SRPK1: variants seen among roughly 807,000 people sequenced by gnomAD.
SRPK1 encodes the protein SFRS protein kinase 1.
SRPK1 carries 52 observed loss-of-function variants against 89.5 expected under a neutral mutation model. The observed-to-expected ratio is 0.58, with a 90% confidence interval of 0.46 to 0.73. The LOEUF is 0.73. SRPK1 is among the 30% of genes least tolerant of loss of function. The pLI is 0.00. For missense variants in SRPK1, 603 were observed against 780.6 expected (o/e 0.77, Z 2.71); for synonymous variants, 255 against 270.2 (o/e 0.94, Z 0.55).
chr6:35,885,823 C>T (rs1325154727), intron 6 of SRPK1, among the ~76,000 whole-genome samples: 1 of 152,156 alleles, frequency 6.6e-6, no homozygotes, highest in Non-Finnish European at 1.5e-5. Flanking sequence ...ACTTTGATAC[C>T]TGTGAAGAAA....
intron 14 of SRPK1, chr6:35,838,963 T>C (rs762239834): frequency 4.6e-5 from 29 of 633,502 alleles, no homozygotes; most frequent in Non-Finnish European, 6.2e-5. Flanking sequence ...AGGTGGTTGG[T>C]CACCCGATAG....
At chr6:35,913,969 CTTTTTTTTT>C (rs545555860) in intron 2 of SRPK1, among the ~76,000 whole-genome samples, 5 of 92,934 alleles carry the variant, frequency 5.4e-5, no homozygotes, top group African/African-American at 7.9e-5. Flanking sequence ...GATACTTTCT[CTTTTTTTTT>C]TTTTTTTTTT....
intron 2 of SRPK1, chr6:35,920,132 A>T (rs1291806175): frequency 2.0e-6 from 1 of 490,016 alleles, no homozygotes; most frequent in Non-Finnish European, 4.0e-6. Flanking sequence ...TCAGAAACAG[A>T]CCGATAATGA....
chr6:35,843,032 G>A (rs917741364), intron 13 of SRPK1, among the ~76,000 whole-genome samples: 6 of 150,544 alleles, frequency 4.0e-5, no homozygotes, highest in Non-Finnish European at 7.4e-5. Flanking sequence ...GCAGTGGCAC[G>A]GTCTCGGCTC....
At chr6:35,898,242 C>T (rs1203561074) in intron 2 of SRPK1, among the ~76,000 whole-genome samples, 2 of 152,050 alleles carry the variant, frequency 1.3e-5, no homozygotes, top group Non-Finnish European at 2.9e-5. Context: ...GAGCTGGAGG[C>T]CATTATTCTA....
At chr6:35,877,669 C>A (rs952176168) in intron 6 of SRPK1, among the ~76,000 whole-genome samples, 3 of 151,856 alleles carry the variant, frequency 2.0e-5, no homozygotes, top group African/African-American at 7.3e-5. Context: ...GGTGAAACTC[C>A]ATCTCTACTA....
chr6:35,885,493 C>T (rs552510596), intron 6 of SRPK1, among the ~76,000 whole-genome samples: 22 of 152,268 alleles, frequency 1.4e-4, no homozygotes, highest in African/African-American at 5.1e-4. Context: ...GTTCTCTCTC[C>T]TTTCCCATCC....
At chr6:35,842,179 A>G (rs1769324688) in intron 14 of SRPK1, among the ~76,000 whole-genome samples, 1 of 152,198 alleles carries the variant, frequency 6.6e-6, no homozygotes, top group Admixed American at 6.5e-5. Flanking sequence ...ACTGACCTCT[A>G]AATAAATTTG....
rs1224290836 is a variant in SRPK1 at position 35,869,657 on chromosome 6, G to A, written c.1236C>T (p.Asp412=). Residue 412 remains aspartate, a synonymous_variant, in exon 11 of 16, where the codon GAC becomes GAT. Coordinates refer to ENST00000373825, the MANE Select transcript of SRPK1 (RefSeq NM_003137.5). The stretch of plus-strand genomic sequence containing the variant: ...CCTCAGATGTTATAGGTGTACAAGA[G>A]TCTGTTTCTTGAGATGTGCTGCTGT... ...NGDSSTSQET[D]SCTPITSEVS... 1.2e-6 allele frequency: 2 copies of A among 1,613,906 alleles called. No individual in the cohort carries two copies. The highest frequency in any genetic ancestry group is 1.1e-5 in the South Asian group (1 of 91,086).
chr6:35,888,137 G>A (rs1770448066), intron 4 of SRPK1, 26 bp from the exon 5 acceptor site: 13 of 1,506,482 alleles, frequency 8.6e-6, no homozygotes, highest in African/African-American at 1.4e-5. Flanking sequence ...AGGCAATTAA[G>A]ACTACATAGC....
At chr6:35,851,470 A>T (rs894195595) in intron 13 of SRPK1, among the ~76,000 whole-genome samples, 8 of 152,164 alleles carry the variant, frequency 5.3e-5, no homozygotes, top group African/African-American at 1.9e-4. Context: ...TATTGTGCCC[A>T]GCCGGTATTG....
Position 35,837,215 on chromosome 6 carries a change from C to T in SRPK1, c.1783+1122G>A, listed in dbSNP as rs369108112. ...ACATAAAACTAAAAAGTGTGAAGTT[C>T]GTTTGTATGACTAATGTACTTCGAG... On this transcript the variant is annotated intron_variant, in intron 15 of 15. Coordinates refer to ENST00000373825, the MANE Select transcript of SRPK1 (RefSeq NM_003137.5). 2.4e-4 allele frequency among the ~76,000 whole-genome samples: 37 copies of T among 152,070 alleles called. 1 individual carries two copies. Among genetic ancestry groups the T allele is most frequent in the Non-Finnish European group, 4.7e-4 (32 of 67,988 alleles).
At chr6:35,869,227 C>G in intron 11 of SRPK1, 117 bp from the exon 12 acceptor site, 1 of 965,810 alleles carries the variant, frequency 1.0e-6, no homozygotes, top group Non-Finnish European at 1.5e-6. Context: ...TGACAACTTA[C>G]ATTTTCTGAG....
chr6:35,905,843 G>A (rs1018172499), intron 2 of SRPK1, among the ~76,000 whole-genome samples: 6 of 152,142 alleles, frequency 3.9e-5, no homozygotes, highest in African/African-American at 1.2e-4. Context: ...TGGGTCCTAT[G>A]ATTCCATGTT....
In SRPK1 at chr6:35,833,058, T is replaced by C. The variant is rs1300403627; in HGVS notation, c.*2246A>G. 2.0e-5 allele frequency: 3 copies of C among 152,682 alleles called. No homozygotes were observed. The highest frequency in any genetic ancestry group is 4.4e-5 in the Non-Finnish European group (3 of 68,048). The allele number at this position is 152,682 out of a possible 1,614,324, so 9.5% of individuals were successfully genotyped here. On this transcript the variant is annotated 3_prime_UTR_variant, in exon 16 of 16. Transcript: ENST00000373825. ...GTAGGTTATTAAATAATTTGTTTATTGTACGGCATTTACAAAGAAAACAGA... is the reference window on the plus strand; with the variant it reads ...GTAGGTTATTAAATAATTTGTTTATCGTACGGCATTTACAAAGAAAACAGA...
chr6:35,883,053 C>T (rs1397727104), intron 6 of SRPK1, among the ~76,000 whole-genome samples: 2 of 152,200 alleles, frequency 1.3e-5, no homozygotes, highest in African/African-American at 4.8e-5. Context: ...GTGATCCGCC[C>T]GCTTTGGCCT....
At chr6:35,836,969 C>T (rs992532533) in intron 15 of SRPK1, among the ~76,000 whole-genome samples, 2 of 151,998 alleles carry the variant, frequency 1.3e-5, no homozygotes, top group Admixed American at 1.3e-4. Flanking sequence ...GAGGATGGCT[C>T]CTGCCAAGGA....
intron 2 of SRPK1, among the ~76,000 whole-genome samples, chr6:35,906,103 A>G (rs1770842120): frequency 6.6e-6 from 1 of 152,374 alleles, no homozygotes. Flanking sequence ...AGATTAAAAA[A>G]AGCAATCAAA....
intron 14 of SRPK1, among the ~76,000 whole-genome samples, chr6:35,839,395 TAAAAC>T (rs1769254154): frequency 6.6e-6 from 1 of 152,260 alleles, no homozygotes; most frequent in Non-Finnish European, 1.5e-5. Flanking sequence ...TAATATGAGC[TAAAAC>T]TCAGATGAAA....
Sources: gnomAD v4.1 joint callset for allele counts (sites outside exome capture counted in the v4.1 genomes callset) on GRCh38, gnomAD v4.1.1 for gene constraint, MANE v1.5 for transcripts, NCBI Gene and HGNC (gene_info 2026-07-23, HGNC 2026-07-21) for gene names.